RSPO3: variants seen among roughly 807,000 people sequenced by gnomAD.
The protein encoded by RSPO3 is R-spondin-3.
Under a neutral mutation model 36.5 loss-of-function variants are expected in RSPO3, and 17 were observed. The ratio of observed to expected loss-of-function variants is 0.47; its 90% CI spans 0.32 to 0.70. The LOEUF (loss-of-function observed/expected upper bound fraction) is 0.70, where lower values mean the gene tolerates loss of function less well. RSPO3 is among the 30% of genes least tolerant of loss of function. The probability of loss-of-function intolerance (pLI) is 0.04; values close to 1 mark genes in which losing one functional copy is unlikely to be tolerated. For synonymous variants in RSPO3, 108 were observed against 107.0 expected (o/e 1.01, Z -0.06); for missense variants, 294 against 322.5 (o/e 0.91, Z 0.68).
chr6:127,168,101 C>A (rs1255373134), intron 4 of RSPO3, among the ~76,000 whole-genome samples: 1 of 152,098 alleles, frequency 6.6e-6, no homozygotes, highest in Non-Finnish European at 1.5e-5. Context: ...GATGTATAAT[C>A]CTTTGGGTAT....
At chr6:127,138,219 T>C (rs1774201063) in intron 1 of RSPO3, among the ~76,000 whole-genome samples, 1 of 152,156 alleles carries the variant, frequency 6.6e-6, no homozygotes, top group African/African-American at 2.4e-5. Flanking sequence ...CTGTACCATA[T>C]AGACCTTTGG....
chr6:127,132,994 A>C (rs1433914188), intron 1 of RSPO3, among the ~76,000 whole-genome samples: 1 of 152,110 alleles, frequency 6.6e-6, no homozygotes, highest in Non-Finnish European at 1.5e-5. Context: ...AGAACCCATG[A>C]ATCTTAATTT....
At chr6:127,174,961 G>C (rs1472319798) in intron 4 of RSPO3, among the ~76,000 whole-genome samples, 1 of 151,702 alleles carries the variant, frequency 6.6e-6, no homozygotes, top group Non-Finnish European at 1.5e-5. Flanking sequence ...AATCATATGA[G>C]TGAGGAACTC....
Position 127,197,649 on chromosome 6 carries a change from C to T in RSPO3, c.*1642C>T. ...AATTTGCAATGACTCTGGCTTCTGG[C>T]TGCTTATCTCTGGACACCCGTTCTC... On this transcript the variant is annotated 3_prime_UTR_variant, in exon 5 of 5. Transcript: ENST00000356698. 8.1e-7 allele frequency: 1 copy of T among 1,231,954 alleles called. No homozygotes were observed. The highest frequency in any genetic ancestry group is 2.6e-5 in the East Asian group (1 of 38,842). The allele number at this position is 1,231,954 out of a possible 1,614,324, so 76.3% of individuals were successfully genotyped here.
intron 4 of RSPO3, among the ~76,000 whole-genome samples, chr6:127,159,434 T>A (rs1774661689): frequency 6.6e-6 from 1 of 152,090 alleles, no homozygotes; most frequent in Admixed American, 6.6e-5. Flanking sequence ...AAAGACAAGC[T>A]AGCATTCATT....
At chr6:127,124,733 A>G (rs1366378400) in intron 1 of RSPO3, among the ~76,000 whole-genome samples, 1 of 152,116 alleles carries the variant, frequency 6.6e-6, no homozygotes, top group African/African-American at 2.4e-5. Flanking sequence ...TACAGCATAT[A>G]CATATGTAAA....
At chr6:127,119,415 C>G (rs1050336969) in intron 1 of RSPO3, 126 bp downstream of exon 1, 2 of 701,684 alleles carry the variant, frequency 2.9e-6, no homozygotes, top group East Asian at 2.5e-5. Context: ...AGAGGAGATG[C>G]AGGTTCGGGC....
intron 1 of RSPO3, among the ~76,000 whole-genome samples, chr6:127,141,025 A>C (rs559831665): frequency 3.9e-5 from 6 of 152,244 alleles, no homozygotes; most frequent in African/African-American, 1.2e-4. Context: ...CCTTAACAAC[A>C]CTCATTACAA....
chr6:127,157,597 T>C (rs1454994087), intron 4 of RSPO3, among the ~76,000 whole-genome samples: 2 of 152,080 alleles, frequency 1.3e-5, no homozygotes, highest in African/African-American at 4.8e-5. Flanking sequence ...GAGGATACAG[T>C]GACATTTTAC....
chr6:127,164,281 C>G (rs2114606952), intron 4 of RSPO3, among the ~76,000 whole-genome samples: 1 of 152,114 alleles, frequency 6.6e-6, no homozygotes, highest in East Asian at 1.9e-4. Context: ...GTTTAGAAAA[C>G]AAGGGTACTG....
chr6:127,125,284 T>C (rs1023388545), intron 1 of RSPO3, among the ~76,000 whole-genome samples: 2 of 152,200 alleles, frequency 1.3e-5, no homozygotes, highest in African/African-American at 4.8e-5. Context: ...ATCTGACCTT[T>C]AGAATTTAAT....
chr6:127,158,306 T>C (rs568079788), intron 4 of RSPO3, among the ~76,000 whole-genome samples: 25 of 152,176 alleles, frequency 1.6e-4, no homozygotes, highest in Non-Finnish European at 2.9e-5. Flanking sequence ...CTCCCAGATG[T>C]TTATGGATTA....
chr6:127,159,149 T>G (rs1214958275), intron 4 of RSPO3, among the ~76,000 whole-genome samples: 1 of 152,156 alleles, frequency 6.6e-6, no homozygotes, highest in Non-Finnish European at 1.5e-5. Flanking sequence ...CTGCATTTGA[T>G]GCAAAAGGGT....
intron 4 of RSPO3, among the ~76,000 whole-genome samples, chr6:127,162,017 G>A (rs1774719103): frequency 6.6e-6 from 1 of 152,148 alleles, no homozygotes; most frequent in African/African-American, 2.4e-5. Flanking sequence ...TCTTGGCTGG[G>A]CTCTGTCACA....
chr6:127,122,391 C>T (rs1003755291), intron 1 of RSPO3, among the ~76,000 whole-genome samples: 1 of 151,918 alleles, frequency 6.6e-6, no homozygotes, highest in Non-Finnish European at 1.5e-5. Context: ...CATTAAGAAG[C>T]ACTTTTTTTT....
At position 127,197,341 on chromosome 6, in the gene RSPO3, C is replaced by A; in HGVS notation, c.*1334C>A. 2 of 1,495,832 alleles carry A rather than the reference C, an allele frequency of 1.3e-6. No individual in the cohort carries two copies. Among genetic ancestry groups the A allele is most frequent in the Non-Finnish European group, 1.8e-6 (2 of 1,108,976 alleles). 92.7% of individuals were successfully genotyped at this position (1,495,832 alleles called of 1,614,324 possible). ...TCCCCCTTCATTGCTTAGAAATGGGCATCATTTCTTGTATGTCAGATCCCC... is the reference window on the plus strand; with the variant it reads ...TCCCCCTTCATTGCTTAGAAATGGGAATCATTTCTTGTATGTCAGATCCCC... On this transcript the variant is annotated 3_prime_UTR_variant, in exon 5 of 5. Coordinates refer to ENST00000356698, the MANE Select transcript of RSPO3 (RefSeq NM_032784.5).
rs755643661 is a variant in RSPO3 at position 127,148,853 on chromosome 6, C to A, written c.289+14C>A. The stretch of plus-strand genomic sequence containing the variant: ...ATAAGTGTACAAGTAAGTGCCCACA[C>A]GAAATTGTATTTTTATCTCATCTTT... On this transcript the variant is annotated intron_variant, in intron 2 of 4. Transcript: ENST00000356698. 6.3e-7 allele frequency: 1 copy of A among 1,588,064 alleles called. No homozygotes were observed.
At chr6:127,165,633 T>C (rs1774807923) in intron 4 of RSPO3, among the ~76,000 whole-genome samples, 2 of 152,028 alleles carry the variant, frequency 1.3e-5, no homozygotes, top group African/African-American at 4.8e-5. Context: ...TCCTACCTTG[T>C]CACCCTTTCC....
At chr6:127,192,621 T>C (rs1489353881) in intron 4 of RSPO3, 8 of 982,796 alleles carry the variant, frequency 8.1e-6, no homozygotes, top group African/African-American at 1.7e-5. Context: ...TCTTTGATGT[T>C]TTCTACCCAA....
Sources: allele counts gnomAD v4.1 joint callset (sites outside exome capture counted in the v4.1 genomes callset), GRCh38; gene constraint gnomAD v4.1.1; transcripts MANE v1.5; gene names NCBI Gene and HGNC (gene_info 2026-07-23, HGNC 2026-07-21).